MRM2: variants seen among roughly 807,000 people sequenced by gnomAD.
The protein encoded by MRM2 is mitochondrial rRNA methyltransferase 2, also known as rRNA methyltransferase 2, mitochondrial.
MRM2 carries 15 observed loss-of-function variants against 10.9 expected under a neutral mutation model. The ratio of observed to expected loss-of-function variants is 1.37; its 90% CI spans 0.92 to 2.11. MRM2 has a LOEUF of 2.11. MRM2 is among the 30% of genes most tolerant of loss of function. The probability of loss-of-function intolerance (pLI) is 0.00; values close to 1 mark genes in which losing one functional copy is unlikely to be tolerated. For missense variants in MRM2, 328 were observed against 321.3 expected (o/e 1.02, Z -0.16); for synonymous variants, 139 against 128.7 (o/e 1.08, Z -0.54).
At chr7:2,239,749 GA>G in intron 1 of MRM2, 42 bp from the exon 2 acceptor site, 1 of 1,576,318 alleles carries the variant, frequency 6.3e-7, no homozygotes, top group Non-Finnish European at 8.7e-7. Context: ...GCATCACACA[GA>G]ACGGCAGGTC....
Position 2,234,906 on chromosome 7 carries a change from A to G in MRM2, c.*216T>C. 1 of 569,516 alleles carries G rather than the reference A, an allele frequency of 1.8e-6. No individual in the cohort carries two copies. The highest frequency in any genetic ancestry group is 3.1e-6 in the Non-Finnish European group (1 of 322,010). The allele number at this position is 569,516 out of a possible 1,614,324, so 35.3% of individuals were successfully genotyped here. Reference sequence around the variant, plus strand: ...TAACTTTCTCTTCCCAAATCACAATATAGCGGACTTTTTCATTTTCCATGG... The same window carrying G: ...TAACTTTCTCTTCCCAAATCACAATGTAGCGGACTTTTTCATTTTCCATGG... On this transcript the variant is annotated 3_prime_UTR_variant, in exon 3 of 3. Coordinates refer to ENST00000242257, the MANE Select transcript of MRM2 (RefSeq NM_013393.3).
chr7:2,237,125 G>C (rs1489361964), intron 2 of MRM2, among the ~76,000 whole-genome samples: 7 of 152,152 alleles, frequency 4.6e-5, no homozygotes, highest in African/African-American at 1.4e-4. Context: ...TGCCACCTCA[G>C]CTTCCCAAGG....
chr7:2,237,449 C>CTTCTGTCT (rs1378501276), intron 2 of MRM2, among the ~76,000 whole-genome samples: 1 of 152,170 alleles, frequency 6.6e-6, no homozygotes, highest in Non-Finnish European at 1.5e-5. Context: ...ACGCTCTCTC[C>CTTCTGTCT]TTCTGTCACT....
chr7:2,242,099 G>A (rs1794559637), intron 1 of MRM2, 63 bp downstream of exon 1: 5 of 1,552,694 alleles, frequency 3.2e-6, no homozygotes, highest in South Asian at 2.3e-5. Context: ...ACCGAGGAAG[G>A]CGACCGGGCG....
chr7:2,241,674 T>C (rs540961518), intron 1 of MRM2, among the ~76,000 whole-genome samples: 7 of 152,346 alleles, frequency 4.6e-5, no homozygotes, highest in African/African-American at 1.4e-4. Context: ...CCAAAGCTTC[T>C]AGCTTCTGCA....
intron 2 of MRM2, among the ~76,000 whole-genome samples, chr7:2,237,116 G>A (rs1273376571): frequency 6.6e-6 from 1 of 152,124 alleles, no homozygotes; most frequent in African/African-American, 2.4e-5. Flanking sequence ...AGCGACCCCT[G>A]CCACCTCAGC....
chr7:2,236,484 T>A (rs140444173), intron 2 of MRM2, among the ~76,000 whole-genome samples: 34 of 151,798 alleles, frequency 2.2e-4, no homozygotes, highest in South Asian at 1.5e-3. Context: ...AGCCCAGGAG[T>A]TCTAGTCCAG....
chr7:2,234,219 T>C lies in MRM2; in HGVS notation c.*903A>G, dbSNP rs1484969857. On this transcript the variant is annotated 3_prime_UTR_variant, in exon 3 of 3. Coordinates refer to ENST00000242257, the MANE Select transcript of MRM2 (RefSeq NM_013393.3). ...GTACCTTAAAATAATGCAATCTCTATTATTTTATTAAATATAAAGCTGCGT... is the reference window on the plus strand; with the variant it reads ...GTACCTTAAAATAATGCAATCTCTACTATTTTATTAAATATAAAGCTGCGT... The C allele has an allele frequency of 6.6e-6, 1 of 152,208 alleles. No homozygotes were observed. Among genetic ancestry groups the C allele is most frequent in the Admixed American group, 6.5e-5 (1 of 15,274 alleles). 9.4% of individuals were successfully genotyped at this position (152,208 alleles called of 1,614,324 possible). A position where few individuals can be genotyped will look rare whatever the true frequency, so the allele number is the denominator to read the frequency against.
At chr7:2,237,475 C>T (rs1283872521) in intron 2 of MRM2, among the ~76,000 whole-genome samples, 1 of 152,172 alleles carries the variant, frequency 6.6e-6, no homozygotes, top group Non-Finnish European at 1.5e-5. Flanking sequence ...CTACAAGGCA[C>T]GCTGGGCCAC....
chr7:2,237,603 A>G (rs1242355582), intron 2 of MRM2, among the ~76,000 whole-genome samples: 1 of 152,142 alleles, frequency 6.6e-6, no homozygotes, highest in Non-Finnish European at 1.5e-5. Flanking sequence ...TCCAACACAA[A>G]TTCACTTATT....
chr7:2,240,183 C>G (rs952145553), intron 1 of MRM2: 3 of 422,688 alleles, frequency 7.1e-6, no homozygotes, highest in Non-Finnish European at 9.5e-6. Context: ...GATTGCGCCA[C>G]TGCACTCCAG....
Position 2,234,974 on chromosome 7 carries a change from A to C in MRM2, c.*148T>G. The C allele has an allele frequency of 3.2e-6, 2 of 631,316 alleles. No homozygotes were observed. Among genetic ancestry groups the C allele is most frequent in the South Asian group, 2.0e-5 (1 of 49,688 alleles). The allele number at this position is 631,316 out of a possible 1,614,324, so 39.1% of individuals were successfully genotyped here. On this transcript the variant is annotated 3_prime_UTR_variant, in exon 3 of 3. Transcript: ENST00000242257. ...GTCATCTCTTTTTGGTTAAAAAGAG[A>C]GAGAGAGAAAGAGAGAGAGAGACTC...
chr7:2,236,860 T>G (rs926804970), intron 2 of MRM2, among the ~76,000 whole-genome samples: 2 of 151,830 alleles, frequency 1.3e-5, no homozygotes, highest in Non-Finnish European at 2.9e-5. Flanking sequence ...GTTGGGCTTG[T>G]GAAGAGGGGG....
At chr7:2,239,316 A>G in intron 2 of MRM2, 102 bp downstream of exon 2, 1 of 1,201,670 alleles carries the variant, frequency 8.3e-7, no homozygotes, top group Non-Finnish European at 1.2e-6. Flanking sequence ...ACGCCTTCAA[A>G]AAAGGGCTCC....
At chr7:2,240,532 A>C (rs569307216) in intron 1 of MRM2, among the ~76,000 whole-genome samples, 12 of 151,888 alleles carry the variant, frequency 7.9e-5, no homozygotes, top group Non-Finnish European at 1.5e-4. Flanking sequence ...TCTTAAATAA[A>C]ATTGAACTAA....
In MRM2 at chr7:2,235,173, C is replaced by T. The variant is rs766198526; in HGVS notation, c.690G>A (p.Val230=). 1.9e-6 allele frequency: 3 copies of T among 1,614,120 alleles called. No individual in the cohort carries two copies. Among genetic ancestry groups the T allele is most frequent in the South Asian group, 1.1e-5 (1 of 91,088 alleles). The change falls in exon 3 of 3, where the codon GTG becomes GTA. Residue 230 remains valine (V), a synonymous_variant. Transcript: ENST00000242257. ...PEASRKESSE[V]YFLATQYHGR... Reference sequence around the variant, plus strand: ...CGTGGTACTGTGTGGCCAAGAAGTACACTTCTGATGACTCTTTCCTGCTGG... The same window carrying T: ...CGTGGTACTGTGTGGCCAAGAAGTATACTTCTGATGACTCTTTCCTGCTGG...
In MRM2 at chr7:2,234,377, A is replaced by G. The variant is rs191793917; in HGVS notation, c.*745T>C. 2.0e-4 allele frequency: 30 copies of G among 152,358 alleles called. No individual in the cohort carries two copies. Among genetic ancestry groups the G allele is most frequent in the African/African-American group, 7.0e-4 (29 of 41,576 alleles). The allele number at this position is 152,358 out of a possible 1,614,324, so 9.4% of individuals were successfully genotyped here. On this transcript the variant is annotated 3_prime_UTR_variant, in exon 3 of 3. Transcript: ENST00000242257. ...AAACCAAAGCAGACCCACTGCCTGG[A>G]TAAATTCAGACCATACGTCTTCCCT...
At chr7:2,238,468 C>T (rs11547270) in intron 2 of MRM2, 1 of 152,086 alleles carries the variant, frequency 6.6e-6, no homozygotes, top group African/African-American at 2.4e-5. Flanking sequence ...CCCTAAGATA[C>T]AAAACAGATG....
chr7:2,239,684 G>C lies in MRM2; in HGVS notation c.32C>G (p.Ser11Cys). The C allele has an allele frequency of 6.2e-7, 1 of 1,612,882 alleles. No homozygotes were observed. Among genetic ancestry groups the C allele is most frequent in the Non-Finnish European group, 8.5e-7 (1 of 1,179,116 alleles). Residue 11 changes from serine (S) to cysteine (C), a missense_variant, in exon 2 of 3, where the codon TCC becomes TGC. Coordinates refer to ENST00000242257, the MANE Select transcript of MRM2 (RefSeq NM_013393.3). MAGYLKLVCV[S>C]FQRQGFHTVG... The stretch of plus-strand genomic sequence containing the variant: ...AGTGTGGAACCCTTGACGCTGAAAG[G>C]AAACACACACCAGCTTCAAGTACCT...
Sources: allele counts gnomAD v4.1 joint callset (sites outside exome capture counted in the v4.1 genomes callset), GRCh38; gene constraint gnomAD v4.1.1; transcripts MANE v1.5; gene names NCBI Gene and HGNC (gene_info 2026-07-23, HGNC 2026-07-21).